The following MCU variants were observed in gnomAD, a reference collection of about 807,000 sequenced individuals.
The protein encoded by MCU is mitochondrial calcium uniporter, also known as calcium uniporter protein, mitochondrial.
In MCU, 12 loss-of-function variants were observed where a neutral mutation model predicts 45.2. The observed-to-expected ratio is 0.27, with a 90% CI of 0.17 to 0.43. MCU has a LOEUF of 0.43. Ranked by LOEUF, MCU falls within the 20% of genes least tolerant of loss-of-function variation. The pLI, the probability that MCU is intolerant of heterozygous loss-of-function variation, is 1.00. For missense variants in MCU, 324 were observed against 436.7 expected, an observed-to-expected ratio of 0.74 and a Z score of 2.30; for synonymous variants, 160 against 165.1, an observed-to-expected ratio of 0.97 and a Z score of 0.24.
At chr10:72,819,450 T>C (rs1844676880) in intron 1 of MCU, among the ~76,000 whole-genome samples, 1 of 152,230 alleles carries the variant, frequency 6.6e-6, no homozygotes, top group Admixed American at 6.5e-5. Flanking sequence ...GTTTATTTGT[T>C]TATTTTTTAT....
intron 1 of MCU, among the ~76,000 whole-genome samples, chr10:72,832,502 A>T (rs1379709495): frequency 6.6e-6 from 1 of 152,186 alleles, no homozygotes; most frequent in Non-Finnish European, 1.5e-5. Flanking sequence ...AAAAACCATT[A>T]CATGAGGAAA....
intron 1 of MCU, among the ~76,000 whole-genome samples, chr10:72,796,325 C>A (rs1224724038): frequency 2.6e-5 from 4 of 151,974 alleles, no homozygotes; most frequent in African/African-American, 9.7e-5. Context: ...TGTAGTCTTA[C>A]CTGCATGGGA....
At chr10:72,716,687 C>G (rs1466225277) in intron 1 of MCU, among the ~76,000 whole-genome samples, 4 of 151,480 alleles carry the variant, frequency 2.6e-5, no homozygotes, top group Non-Finnish European at 5.9e-5. Context: ...AGTGCCTAAC[C>G]AGCTTGGGCA....
chr10:72,700,774 A>G (rs967840089), intron 1 of MCU, among the ~76,000 whole-genome samples: 4 of 152,230 alleles, frequency 2.6e-5, no homozygotes, highest in Admixed American at 6.5e-5. Context: ...AGGTTCTTTA[A>G]TGATGTTAAT....
chr10:72,772,201 G>A (rs1489408096), intron 1 of MCU, among the ~76,000 whole-genome samples: 1 of 152,204 alleles, frequency 6.6e-6, no homozygotes, highest in African/African-American at 2.4e-5. Context: ...AATCATAGTG[G>A]CTGTTCAGCA....
intron 1 of MCU, among the ~76,000 whole-genome samples, chr10:72,725,698 A>C (rs1843088878): frequency 6.6e-6 from 1 of 151,924 alleles, no homozygotes; most frequent in African/African-American, 2.4e-5. Flanking sequence ...CCAGCTGACC[A>C]ACATGGTGAA....
chr10:72,694,997 T>G (rs1267532300), intron 1 of MCU, among the ~76,000 whole-genome samples: 3 of 152,240 alleles, frequency 2.0e-5, no homozygotes, highest in Admixed American at 6.5e-5. Context: ...TGTAATTTTT[T>G]TCCTTCTCTC....
chr10:72,881,351 T>G (rs1486567040), intron 6 of MCU, among the ~76,000 whole-genome samples: 1 of 152,096 alleles, frequency 6.6e-6, no homozygotes, highest in Non-Finnish European at 1.5e-5. Context: ...GAATAGAGAA[T>G]GATTTCTTAC....
intron 1 of MCU, among the ~76,000 whole-genome samples, chr10:72,697,298 G>T (rs1354711293): frequency 6.6e-6 from 1 of 150,852 alleles, no homozygotes; most frequent in Admixed American, 6.6e-5. Context: ...TGTATTTTTT[G>T]TAGAGACTGG....
At position 72,793,788 on chromosome 10, in the gene MCU, C is replaced by G. The variant is rs528858719; in HGVS notation, c.151-40571C>G. Among the ~76,000 whole-genome samples, 7 of 152,100 alleles carry G rather than the reference C, an allele frequency of 4.6e-5. No individual in the cohort carries two copies. The South Asian group carries it at 1.5e-3, about 32-fold the overall frequency. Reference sequence around the variant, plus strand: ...TCTAAGAGTAAGCATCCCAAAAGATCCGGGTGTGTTGCTTTTCATGACCTA... The same window carrying G: ...TCTAAGAGTAAGCATCCCAAAAGATGCGGGTGTGTTGCTTTTCATGACCTA... On this transcript the variant is annotated intron_variant, in intron 1 of 7. Transcript: ENST00000373053.
intron 1 of MCU, among the ~76,000 whole-genome samples, chr10:72,750,328 T>C (rs1900134): frequency 6.6e-6 from 1 of 152,076 alleles, no homozygotes; most frequent in African/African-American, 2.4e-5. Flanking sequence ...CCAATGTGAC[T>C]GAAGGATGTT....
rs1845542623 is a variant in MCU, at chr10:72,871,552, T to C, written c.833T>C (p.Met278Thr). ...ATCACTTATGGAAGTGCCATGGCAATGTATGCATATTTTGTAATGACACGC... is the reference window on the plus strand; with the variant it reads ...ATCACTTATGGAAGTGCCATGGCAACGTATGCATATTTTGTAATGACACGC... ...YFITYGSAMA[M>T]YAYFVMTRQE... The change falls in exon 6 of 8, where the codon ATG (methionine) becomes ACG (threonine). Residue 278 changes from methionine to threonine, a missense_variant. Around this residue, in one of 4 missense-constraint regions of MCU, gnomAD observed 76 missense variants for 99.4 expected, o/e 0.76. Coordinates refer to ENST00000373053, the MANE Select transcript of MCU (RefSeq NM_138357.3). The C allele has an allele frequency of 1.9e-6, 3 of 1,613,996 alleles. No homozygotes were observed. Among genetic ancestry groups the C allele is most frequent in the Non-Finnish European group, 2.5e-6 (3 of 1,179,934 alleles).
At chr10:72,707,107 G>A (rs1435961070) in intron 1 of MCU, among the ~76,000 whole-genome samples, 4 of 151,994 alleles carry the variant, frequency 2.6e-5, no homozygotes, top group African/African-American at 7.2e-5. Context: ...TGGGATTACA[G>A]GTGTGAGCCA....
At chr10:72,848,496 C>T (rs776535481) in intron 2 of MCU, among the ~76,000 whole-genome samples, 12 of 152,032 alleles carry the variant, frequency 7.9e-5, no homozygotes, top group Non-Finnish European at 1.6e-4. Flanking sequence ...CAGTAACTAA[C>T]CCACTCCTAT....
intron 1 of MCU, among the ~76,000 whole-genome samples, chr10:72,833,462 A>G (rs1032326488): frequency 6.6e-6 from 1 of 152,250 alleles, no homozygotes; most frequent in Admixed American, 6.5e-5. Flanking sequence ...CAGCACAAAG[A>G]AAAATCATTT....
At chr10:72,839,988 G>C (rs1254984208) in intron 2 of MCU, among the ~76,000 whole-genome samples, 2 of 136,872 alleles carry the variant, frequency 1.5e-5, no homozygotes, top group Non-Finnish European at 3.1e-5. Context: ...AAAAAAAAAA[G>C]CTGCTGCTGG....
intron 2 of MCU, among the ~76,000 whole-genome samples, chr10:72,847,425 G>C (rs1204085743): frequency 6.6e-6 from 1 of 152,098 alleles, no homozygotes; most frequent in Non-Finnish European, 1.5e-5. Context: ...CCTTCAGGGT[G>C]GCCATTCTAA....
chr10:72,788,267 A>G (rs901565781), intron 1 of MCU, among the ~76,000 whole-genome samples: 2 of 152,338 alleles, frequency 1.3e-5, no homozygotes, highest in Admixed American at 6.5e-5. Flanking sequence ...GCTTTTCAGC[A>G]GCGCTGAAAT....
At chr10:72,855,781 T>C (rs1034528524) in intron 2 of MCU, among the ~76,000 whole-genome samples, 4 of 152,176 alleles carry the variant, frequency 2.6e-5, no homozygotes, top group Non-Finnish European at 4.4e-5. Context: ...GCAAATAATA[T>C]ACATACTTTA....
Sources: allele counts gnomAD v4.1 joint callset (sites outside exome capture counted in the v4.1 genomes callset), GRCh38; gene constraint gnomAD v4.1.1; regional missense constraint gnomAD v4.1.1; transcripts MANE v1.5; gene names NCBI Gene and HGNC (gene_info 2026-07-23, HGNC 2026-07-21).